The following WWOX variants were observed in gnomAD, a reference collection of about 807,000 sequenced individuals.
WWOX encodes the protein WW domain-containing oxidoreductase.
In WWOX, 69 loss-of-function variants were observed where a neutral mutation model predicts 46.2. The ratio of observed to expected loss-of-function variants is 1.49; its 90% CI spans 1.23 to 1.82. The LOEUF is 1.82. Among genes scored for constraint, WWOX ranks in the 40% most tolerant of loss-of-function variants. The probability of loss-of-function intolerance (pLI) is 0.00; values close to 1 mark genes in which losing one functional copy is unlikely to be tolerated. For missense variants in WWOX, 919 were observed against 542.6 expected, an observed-to-expected ratio of 1.69 and a Z score of -6.89; for synonymous variants, 359 against 202.6, an observed-to-expected ratio of 1.77 and a Z score of -6.56.
chr16:78,335,661 A>T (rs1212011284), intron 5 of WWOX, among the ~76,000 whole-genome samples: 5 of 152,326 alleles, frequency 3.3e-5, no homozygotes, highest in Admixed American at 2.0e-4. Context: ...TGTTGACTGC[A>T]GCAGTTTTCA....
chr16:78,763,840 C>T (rs1252737478), intron 8 of WWOX, among the ~76,000 whole-genome samples: 1 of 152,192 alleles, frequency 6.6e-6, no homozygotes, highest in Non-Finnish European at 1.5e-5. Context: ...GCTGGCTCTC[C>T]TCTTTCTAAT....
At chr16:78,131,181 C>T (rs2151696468) in intron 4 of WWOX, among the ~76,000 whole-genome samples, 1 of 152,304 alleles carries the variant, frequency 6.6e-6, no homozygotes, top group East Asian at 1.9e-4. Context: ...ACTGTACCAG[C>T]AGCTTGATCT....
chr16:79,198,159 T>C (rs2051276842), intron 8 of WWOX, among the ~76,000 whole-genome samples: 1 of 144,744 alleles, frequency 6.9e-6, no homozygotes, highest in South Asian at 2.1e-4. Flanking sequence ...ACCCCGTCTC[T>C]ACTAAAAAAA....
intron 8 of WWOX, among the ~76,000 whole-genome samples, chr16:78,636,536 G>A (rs914507748): frequency 6.6e-6 from 1 of 152,088 alleles, no homozygotes; most frequent in Non-Finnish European, 1.5e-5. Flanking sequence ...TAGAGTAGCT[G>A]CCCTCCCCAT....
At chr16:78,520,602 A>T (rs749220607) in intron 8 of WWOX, among the ~76,000 whole-genome samples, 15 of 150,878 alleles carry the variant, frequency 9.9e-5, no homozygotes, top group Non-Finnish European at 1.9e-4. Flanking sequence ...GGCTGCTGGG[A>T]CTCACTCTAG....
At chr16:78,482,056 T>C (rs994773135) in intron 8 of WWOX, among the ~76,000 whole-genome samples, 8 of 152,064 alleles carry the variant, frequency 5.3e-5, no homozygotes, top group Non-Finnish European at 1.2e-4. Context: ...TAACTTAGAA[T>C]GTGCTTGTTA....
intron 4 of WWOX, among the ~76,000 whole-genome samples, chr16:78,125,973 C>T (rs192473343): frequency 6.6e-6 from 1 of 152,132 alleles, no homozygotes; most frequent in African/African-American, 2.4e-5. Flanking sequence ...TTTAAAAAAA[C>T]CCCAATTCTT....
intron 5 of WWOX, among the ~76,000 whole-genome samples, chr16:78,276,318 G>A (rs2151850780): frequency 6.6e-6 from 1 of 152,330 alleles, no homozygotes; most frequent in South Asian, 2.1e-4. Flanking sequence ...CAGAGTTTAT[G>A]CAGGGCATAG....
At position 78,534,813 on chromosome 16, in the gene WWOX, G is replaced by T. The variant is rs530837034; in HGVS notation, c.1056+102061G>T. Among the ~76,000 whole-genome samples, 5 of 151,860 alleles carry T rather than the reference G, an allele frequency of 3.3e-5. No homozygotes were observed. In the East Asian group the frequency reaches 7.8e-4, roughly 24 times the overall value. On this transcript the variant is annotated intron_variant, in intron 8 of 8. Transcript: ENST00000566780. ...CAACCTCCACCTCCCGGGTTCAAGC[G>T]ATTCCACTGCCCTGATCAGCTTCCT... is the stretch of plus-strand genomic sequence containing the variant.
chr16:78,119,602 A>C (rs1326510269), intron 4 of WWOX, among the ~76,000 whole-genome samples: 3 of 151,592 alleles, frequency 2.0e-5, no homozygotes, highest in Non-Finnish European at 4.4e-5. Context: ...AGTGACATCC[A>C]GGGTTTGTGA....
intron 8 of WWOX, among the ~76,000 whole-genome samples, chr16:78,988,382 A>G (rs1055291474): frequency 6.6e-6 from 1 of 151,328 alleles, no homozygotes; most frequent in African/African-American, 2.4e-5. Context: ...AAGAAAATTA[A>G]TTTCTCAGAG....
At chr16:78,724,183 T>C (rs536894202) in intron 8 of WWOX, among the ~76,000 whole-genome samples, 1 of 152,316 alleles carries the variant, frequency 6.6e-6, no homozygotes, top group Non-Finnish European at 1.5e-5. Context: ...CACTCCGTCA[T>C]TTATAACCTG....
intron 8 of WWOX, among the ~76,000 whole-genome samples, chr16:78,546,010 G>C (rs2044022324): frequency 6.6e-6 from 1 of 152,166 alleles, no homozygotes. Flanking sequence ...ATAAATTTGA[G>C]GGGGACGCAG....
chr16:78,584,055 G>A (rs1409387401), intron 8 of WWOX, among the ~76,000 whole-genome samples: 2 of 152,132 alleles, frequency 1.3e-5, no homozygotes, highest in Non-Finnish European at 2.9e-5. Context: ...TTCTTTTTGT[G>A]ATCACAGTGT....
rs79043568 is a variant in WWOX at position 78,531,435 on chromosome 16, A to G, written c.1056+98683A>G. On this transcript the variant is annotated intron_variant, in intron 8 of 8. Transcript: ENST00000566780. ...ACAATTGGACAGTAAGGATGTGACT[A>G]TTATTGTTGCTCTCTAATACTTTAT... Among the ~76,000 whole-genome samples, 1,216 of 152,280 alleles carry G rather than the reference A, an allele frequency of 8.0e-3. 12 individuals carry two copies. Among genetic ancestry groups the G allele is most frequent in the East Asian group, 0.031 (162 of 5,170 alleles).
chr16:78,609,455 C>T (rs1268256125), intron 8 of WWOX, among the ~76,000 whole-genome samples: 1 of 151,252 alleles, frequency 6.6e-6, no homozygotes, highest in Admixed American at 6.6e-5. Flanking sequence ...AAGTAAAAGT[C>T]CAGGCATGTG....
chr16:79,195,002 G>T (rs1466004324), intron 8 of WWOX, among the ~76,000 whole-genome samples: 1 of 152,130 alleles, frequency 6.6e-6, no homozygotes, highest in African/African-American at 2.4e-5. Context: ...GCTGTCTTCT[G>T]CTGAGTATGG....
intron 8 of WWOX, among the ~76,000 whole-genome samples, chr16:78,966,713 C>T (rs966190865): frequency 6.6e-6 from 1 of 152,140 alleles, no homozygotes; most frequent in Non-Finnish European, 1.5e-5. Flanking sequence ...TTTAAAGGAG[C>T]TTAAATATAT....
intron 8 of WWOX, among the ~76,000 whole-genome samples, chr16:78,874,739 C>G (rs1413654010): frequency 1.6e-5 from 2 of 128,858 alleles, no homozygotes; most frequent in East Asian, 5.1e-4. Flanking sequence ...AAGGCCATCA[C>G]AGGTTGCCAG....
Sources: allele counts gnomAD v4.1 joint callset (sites outside exome capture counted in the v4.1 genomes callset), GRCh38; gene constraint gnomAD v4.1.1; transcripts MANE v1.5; gene names NCBI Gene and HGNC (gene_info 2026-07-23, HGNC 2026-07-21).